Variants in FAT3 observed in about 807,000 individuals in gnomAD.
FAT3 encodes the protein protocadherin Fat 3.
A neutral mutation model predicts 310.2 loss-of-function variants in FAT3; 95 were observed. The ratio of observed to expected loss-of-function variants is 0.31; its 90% confidence interval spans 0.26 to 0.36. The LOEUF (loss-of-function observed/expected upper bound fraction) is 0.36, where lower values mean the gene tolerates loss of function less well. Ranked by LOEUF, FAT3 falls within the 10% of genes least tolerant of loss-of-function variation. The pLI, the probability that FAT3 is intolerant of heterozygous loss-of-function variation, is 1.00. For missense variants in FAT3, 5,408 were observed against 5,715.6 expected, an observed-to-expected ratio of 0.95 and a Z score of 1.74; for synonymous variants, 2,314 against 2,192.9, an observed-to-expected ratio of 1.06 and a Z score of -1.54.
At chr11:92,638,845 G>C (rs928626108) in intron 3 of FAT3, among the ~76,000 whole-genome samples, 1 of 152,038 alleles carries the variant, frequency 6.6e-6, no homozygotes, top group Admixed American at 6.5e-5. Flanking sequence ...AATGACGATT[G>C]GTCTGGTAGT....
chr11:92,476,434 CAGAA>C (rs1952054612), intron 2 of FAT3, among the ~76,000 whole-genome samples: 8 of 152,132 alleles, frequency 5.3e-5, no homozygotes, highest in Admixed American at 5.2e-4. Flanking sequence ...ATCTTGGAGG[CAGAA>C]AGAGAGTTTA....
At chr11:92,567,084 A>G (rs1391182233) in intron 3 of FAT3, among the ~76,000 whole-genome samples, 1 of 152,192 alleles carries the variant, frequency 6.6e-6, no homozygotes, top group East Asian at 1.9e-4. Flanking sequence ...AGAAACTGCC[A>G]TCAGAGTGAA....
At chr11:92,567,405 T>C (rs975427553) in intron 3 of FAT3, among the ~76,000 whole-genome samples, 22 of 150,346 alleles carry the variant, frequency 1.5e-4, no homozygotes, top group African/African-American at 4.9e-4. Flanking sequence ...GGAGAGGATG[T>C]GGAGAAATAG....
intron 4 of FAT3, among the ~76,000 whole-genome samples, chr11:92,705,592 A>G (rs1279069603): frequency 3.8e-4 from 1 of 2,654 alleles, no homozygotes. Context: ...TGGTGGTGTG[A>G]TGTGGTGGTG....
At chr11:92,549,599 T>G (rs1054436738) in intron 3 of FAT3, among the ~76,000 whole-genome samples, 2 of 152,172 alleles carry the variant, frequency 1.3e-5, no homozygotes, top group African/African-American at 4.8e-5. Flanking sequence ...TGATGATAAC[T>G]TATATCTTGG....
chr11:92,436,209 G>C (rs925777272), intron 2 of FAT3, among the ~76,000 whole-genome samples: 1 of 152,024 alleles, frequency 6.6e-6, no homozygotes, highest in African/African-American at 2.4e-5. Flanking sequence ...TGCAGATCAC[G>C]GCTCACTGCA....
chr11:92,710,027 A>C (rs1309443323), intron 4 of FAT3, among the ~76,000 whole-genome samples: 1 of 152,220 alleles, frequency 6.6e-6, no homozygotes, highest in Non-Finnish European at 1.5e-5. Context: ...TGTAGGGCTA[A>C]GCTCCAGGCT....
chr11:92,459,191 A>T (rs1354499957), intron 2 of FAT3, among the ~76,000 whole-genome samples: 1 of 152,198 alleles, frequency 6.6e-6, no homozygotes, highest in Non-Finnish European at 1.5e-5. Flanking sequence ...CCCTGGGCAC[A>T]TGTGAGCATG....
At chr11:92,484,391 G>A (rs562364680) in intron 2 of FAT3, among the ~76,000 whole-genome samples, 8 of 152,056 alleles carry the variant, frequency 5.3e-5, no homozygotes, top group African/African-American at 1.9e-4. Flanking sequence ...ATAAGTAAAA[G>A]AAAAACCTCT....
At chr11:92,562,070 T>C (rs1165960678) in intron 3 of FAT3, among the ~76,000 whole-genome samples, 1 of 152,220 alleles carries the variant, frequency 6.6e-6, no homozygotes, top group Non-Finnish European at 1.5e-5. Context: ...TGCTGTTTTC[T>C]GGATGGTTTC....
At chr11:92,729,247 A>G (rs1945096709) in intron 4 of FAT3, among the ~76,000 whole-genome samples, 1 of 152,080 alleles carries the variant, frequency 6.6e-6, no homozygotes, top group South Asian at 2.1e-4. Context: ...TGACTGACAA[A>G]CGCAGAGCAC....
chr11:92,812,007 G>A (rs1167117354), intron 13 of FAT3, among the ~76,000 whole-genome samples: 1 of 152,184 alleles, frequency 6.6e-6, no homozygotes, highest in Non-Finnish European at 1.5e-5. Context: ...GAAGGTCTTG[G>A]TCAGAGTAGA....
chr11:92,571,259 G>A (rs1955656017), intron 3 of FAT3, among the ~76,000 whole-genome samples: 1 of 152,106 alleles, frequency 6.6e-6, no homozygotes. Context: ...GGCTCTGGTG[G>A]GATTCCTTTC....
intron 2 of FAT3, among the ~76,000 whole-genome samples, chr11:92,482,738 G>GTC (rs1239715021): frequency 3.9e-5 from 6 of 151,908 alleles, no homozygotes; most frequent in Non-Finnish European, 8.8e-5. Flanking sequence ...TGAGCAGCCA[G>GTC]TCTCTCTCTC....
In FAT3 at chr11:92,716,737, C is replaced by T. The variant is rs116694468; in HGVS notation, c.3669+19292C>T. ...ACCAGGGTCACTTTGATGAATACAT[C>T]ATCCCAGCCTAATTGCTATGATGTA... is the stretch of plus-strand genomic sequence containing the variant. On this transcript the variant is annotated intron_variant, in intron 4 of 27. Coordinates refer to ENST00000525166, the MANE Select transcript of FAT3 (RefSeq NM_001367949.2). Among the ~76,000 whole-genome samples the T allele has an allele frequency of 5.2e-3, 796 of 152,288 alleles. 8 individuals are homozygous for T. The highest frequency in any genetic ancestry group is 0.018 in the African/African-American group (744 of 41,552).
In FAT3 at chr11:92,790,021, G is replaced by T; in HGVS notation, c.4414G>T (p.Asp1472Tyr). Residue 1472 changes from aspartate (D) to tyrosine (Y), a missense_variant, in exon 8 of 28, where the codon GAT (aspartate) becomes TAT (tyrosine). Asp to Tyr is a radical substitution (Grantham distance 160, BLOSUM62 -3). This residue lies in a region of FAT3 where 4,588 missense variants were observed against 4,809.8 expected (regional missense o/e 0.95). Transcript: ENST00000525166. ...GAATTACGATGTGACAATTTCCGAGGATGTGCTTCCAGACACGGAGATCCT... is the reference window on the plus strand; with the variant it reads ...GAATTACGATGTGACAATTTCCGAGTATGTGCTTCCAGACACGGAGATCCT... ...QPNYDVTISEDVLPDTEILQI... is the reference protein window; with the variant it reads ...QPNYDVTISEYVLPDTEILQI... The T allele has an allele frequency of 6.2e-7, 1 of 1,613,816 alleles. No homozygotes were observed. Among genetic ancestry groups the T allele is most frequent in the South Asian group, 1.1e-5 (1 of 91,084 alleles).
chr11:92,530,240 T>TAG (rs532810563), intron 3 of FAT3, among the ~76,000 whole-genome samples: 11 of 152,286 alleles, frequency 7.2e-5, no homozygotes, highest in Middle Eastern at 3.4e-3. Flanking sequence ...GTGAGCTTGC[T>TAG]AGACTATAGA....
intron 3 of FAT3, among the ~76,000 whole-genome samples, chr11:92,675,765 C>T (rs1037977538): frequency 2.0e-5 from 3 of 152,152 alleles, no homozygotes; most frequent in African/African-American, 4.8e-5. Flanking sequence ...TCATATTCTC[C>T]GCTAAGAACC....
chr11:92,597,613 T>C lies in FAT3; in HGVS notation c.3607+72665T>C, dbSNP rs1321611302. On this transcript the variant is annotated intron_variant, in intron 3 of 27. Coordinates refer to ENST00000525166, the MANE Select transcript of FAT3 (RefSeq NM_001367949.2). ...TGCCTCCCTGGGAGGGTGCAGAAAA[T>C]GTTGACCACAGGTACATTCTGAAAA... 2.0e-5 allele frequency among the ~76,000 whole-genome samples: 3 copies of C among 152,120 alleles called. No homozygotes were observed. In the East Asian group the frequency reaches 5.8e-4, roughly 29 times the overall value.
Sources: gnomAD v4.1 joint callset for allele counts (sites outside exome capture counted in the v4.1 genomes callset) on GRCh38, gnomAD v4.1.1 for gene constraint, gnomAD v4.1.1 regional missense constraint, MANE v1.5 for transcripts, NCBI Gene and HGNC (gene_info 2026-07-23, HGNC 2026-07-21) for gene names.